NPLOC4: variants seen among roughly 807,000 people sequenced by gnomAD.
NPLOC4 encodes the protein nuclear protein localization protein 4 homolog.
A neutral mutation model predicts 80.6 loss-of-function variants in NPLOC4; 18 were observed. That is an observed-to-expected ratio of 0.22 (90% CI 0.15 to 0.33). The LOEUF is 0.33. NPLOC4 is among the 10% of genes least tolerant of loss of function. The pLI, the probability that NPLOC4 is intolerant of heterozygous loss-of-function variation, is 1.00. For missense variants in NPLOC4, 540 were observed against 786.1 expected (o/e 0.69, Z 3.74); for synonymous variants, 313 against 301.5 (o/e 1.04, Z -0.39).
intron 2 of NPLOC4, among the ~76,000 whole-genome samples, chr17:81,624,406 G>C (rs558864633): frequency 6.6e-6 from 1 of 152,140 alleles, no homozygotes; most frequent in Non-Finnish European, 1.5e-5. Context: ...CGACAAGAGT[G>C]AAACTCCGTC....
intron 5 of NPLOC4, among the ~76,000 whole-genome samples, chr17:81,609,383 T>C (rs1411624869): frequency 6.6e-6 from 1 of 152,154 alleles, no homozygotes; most frequent in Non-Finnish European, 1.5e-5. Context: ...GGTGCAATCA[T>C]GGCTCACTGC....
chr17:81,591,755 A>C (rs983330440), intron 11 of NPLOC4, among the ~76,000 whole-genome samples: 2 of 152,206 alleles, frequency 1.3e-5, no homozygotes, highest in Non-Finnish European at 1.5e-5. Flanking sequence ...TTCCCTTCAC[A>C]AATCAGTCAG....
chr17:81,606,851 T>C, intron 6 of NPLOC4, 37 bp from the exon 7 acceptor site: 1 of 1,594,234 alleles, frequency 6.3e-7, no homozygotes, highest in Admixed American at 1.7e-5. Flanking sequence ...ATCACATTGG[T>C]GAAAAGTTGA....
intron 3 of NPLOC4, 65 bp downstream of exon 3, chr17:81,622,101 C>G (rs2035685191): frequency 1.7e-6 from 2 of 1,205,014 alleles, no homozygotes; most frequent in African/African-American, 3.0e-5. Flanking sequence ...AACTCGGCAA[C>G]CTCGGGCAGA....
chr17:81,596,745 A>C (rs1269795202), intron 10 of NPLOC4, among the ~76,000 whole-genome samples: 7 of 152,198 alleles, frequency 4.6e-5, no homozygotes, highest in Non-Finnish European at 1.0e-4. Flanking sequence ...ACTGCTTTAT[A>C]AAGGTAAGAT....
chr17:81,561,670 C>A (rs2033853897), intron 16 of NPLOC4: 1 of 152,156 alleles, frequency 6.6e-6, no homozygotes, highest in African/African-American at 2.4e-5. Context: ...GTGACCTCGA[C>A]CTCCTGACTC....
At chr17:81,620,522 C>G (rs1414104752) in intron 3 of NPLOC4, among the ~76,000 whole-genome samples, 1 of 151,898 alleles carries the variant, frequency 6.6e-6, no homozygotes, top group East Asian at 1.9e-4. Flanking sequence ...TAAAAAAATG[C>G]AAACCGGTGA....
In NPLOC4 at chr17:81,622,295, A is replaced by G. The variant is rs201470806; in HGVS notation, c.97-17T>C. 9 of 1,562,340 alleles carry G rather than the reference A, an allele frequency of 5.8e-6. No individual in the cohort carries two copies. The South Asian group carries it at 7.8e-5, about 14-fold the overall frequency. On this transcript the variant is annotated splice_polypyrimidine_tract_variant and intron_variant, in intron 2 of 16. Coordinates refer to ENST00000331134, the MANE Select transcript of NPLOC4 (RefSeq NM_017921.4). ...CTTTGCAACCTAAAACAAGGCCCAA[A>G]GAACAGAAATTTAATGAAATGCTAA... is the stretch of plus-strand genomic sequence containing the variant.
At chr17:81,575,267 T>C (rs1019327914) in intron 12 of NPLOC4, among the ~76,000 whole-genome samples, 1 of 152,052 alleles carries the variant, frequency 6.6e-6, no homozygotes, top group South Asian at 2.1e-4. Flanking sequence ...GCCCGGCTAA[T>C]TTTTTTCTAT....
At chr17:81,629,577 C>A in intron 2 of NPLOC4, 148 bp downstream of exon 2, 1 of 635,492 alleles carries the variant, frequency 1.6e-6, no homozygotes, top group Non-Finnish European at 2.8e-6. Flanking sequence ...CTATAGCAAT[C>A]CAACCCAACT....
intron 4 of NPLOC4, among the ~76,000 whole-genome samples, chr17:81,611,178 G>T (rs2035329706): frequency 6.6e-6 from 1 of 151,858 alleles, no homozygotes. Flanking sequence ...AAATTAGCCG[G>T]ACGTGGTGGC....
In NPLOC4 at chr17:81,559,324, G is replaced by A; in HGVS notation, c.1762C>T (p.His588Tyr). 1.9e-6 allele frequency: 3 copies of A among 1,606,678 alleles called. No individual in the cohort carries two copies. The highest frequency in any genetic ancestry group is 2.5e-6 in the Non-Finnish European group (3 of 1,177,048). Residue 588 changes from histidine to tyrosine, a missense_variant, in exon 17 of 17, where the codon CAC becomes TAC. By Grantham distance (83) the His-to-Tyr change is moderately conservative. Coordinates refer to ENST00000331134, the MANE Select transcript of NPLOC4 (RefSeq NM_017921.4). ...TATAAMWACQ[H>Y]CTFMNQPGTG... ...CCTGGCTGGTTCATGAACGTGCAGT[G>A]CTGACAGGCCCACATGGCTGCAGTG...
Position 81,559,127 on chromosome 17 carries a change from C to A in NPLOC4, c.*132G>T, listed in dbSNP as rs1281797348. The A allele has an allele frequency of 9.4e-7, 1 of 1,062,564 alleles. No individual in the cohort carries two copies. The highest frequency in any genetic ancestry group is 1.3e-6 in the Non-Finnish European group (1 of 759,952). The allele number at this position is 1,062,564 out of a possible 1,614,324, so 65.8% of individuals were successfully genotyped here. ...GAGAAGCTTCAGTGGGTCAGGGAGC[C>A]CAGGACAGCCAGCCCCTTGTTCCTC... On this transcript the variant is annotated 3_prime_UTR_variant, in exon 17 of 17. Transcript: ENST00000331134.
At chr17:81,634,871 C>T (rs989006738) in intron 1 of NPLOC4, among the ~76,000 whole-genome samples, 13 of 152,090 alleles carry the variant, frequency 8.5e-5, no homozygotes, top group African/African-American at 3.1e-4. Context: ...GCGTGAGCCA[C>T]TGCATGGCCA....
rs1219279142 is a variant in NPLOC4 at position 81,580,257 on chromosome 17, G to A, written c.1282-8169C>T. Among the ~76,000 whole-genome samples the A allele has an allele frequency of 2.0e-5, 3 of 152,206 alleles. No individual in the cohort carries two copies. Among genetic ancestry groups the A allele is most frequent in the South Asian group, 2.1e-4 (1 of 4,820 alleles). ...GGTGGTGCCTCTGCACTAGCACATC[G>A]CCGACAGATCCCCAGCCTTCCAGCC... On this transcript the variant is annotated intron_variant, in intron 12 of 16. Coordinates refer to ENST00000331134, the MANE Select transcript of NPLOC4 (RefSeq NM_017921.4). This position sits in a 1 kb window ranked among gnomAD's most constrained non-coding sequence, Gnocchi z 4.4.
chr17:81,629,487 C>T (rs1029081106), intron 2 of NPLOC4, among the ~76,000 whole-genome samples: 5 of 152,120 alleles, frequency 3.3e-5, no homozygotes, highest in East Asian at 1.9e-4. Context: ...CACGCCCAGC[C>T]GTGAAATATT....
intron 8 of NPLOC4, 44 bp downstream of exon 8, chr17:81,604,504 C>T (rs755241673): frequency 1.3e-6 from 2 of 1,587,194 alleles, no homozygotes; most frequent in Non-Finnish European, 1.7e-6. Flanking sequence ...CCCCCACAGC[C>T]TCCAAACACA....
At chr17:81,559,936 T>C (rs2033797845) in intron 16 of NPLOC4, among the ~76,000 whole-genome samples, 1 of 151,602 alleles carries the variant, frequency 6.6e-6, no homozygotes, top group African/African-American at 2.4e-5. Flanking sequence ...GGTTTCACCA[T>C]GTTGGCCAGG....
At chr17:81,631,137 C>T (rs919363587) in intron 1 of NPLOC4, among the ~76,000 whole-genome samples, 6 of 151,348 alleles carry the variant, frequency 4.0e-5, no homozygotes, top group African/African-American at 7.3e-5. Context: ...CGTGCCATTG[C>T]GTGACGAAGA....
Sources: gnomAD v4.1 joint callset for allele counts (sites outside exome capture counted in the v4.1 genomes callset) on GRCh38, gnomAD v4.1.1 for gene constraint, Gnocchi (gnomAD v3.1) non-coding constraint, MANE v1.5 for transcripts, NCBI Gene and HGNC (gene_info 2026-07-23, HGNC 2026-07-21) for gene names.